The following GNPTAB variants were observed in gnomAD, a reference collection of about 807,000 sequenced individuals.
The protein encoded by GNPTAB is N-acetylglucosamine-1-phosphotransferase subunits alpha/beta.
GNPTAB carries 92 observed loss-of-function variants against 136.6 expected under a neutral mutation model. That is an observed-to-expected ratio of 0.67 (90% confidence interval 0.57 to 0.80). The LOEUF (loss-of-function observed/expected upper bound fraction) is 0.80, where lower values mean the gene tolerates loss of function less well. Among genes scored for constraint, GNPTAB ranks in the 30% least tolerant of loss-of-function variants. The pLI is 0.00. For missense variants in GNPTAB, 1,343 were observed against 1,501.8 expected (o/e 0.89, Z 1.75); for synonymous variants, 512 against 535.1 (o/e 0.96, Z 0.60).
intron 1 of GNPTAB, among the ~76,000 whole-genome samples, chr12:101,818,014 A>AC (rs1182982495): frequency 6.6e-6 from 1 of 152,232 alleles, no homozygotes; most frequent in East Asian, 1.9e-4. Context: ...ATTCCTTAGT[A>AC]CCACCCAGCA....
chr12:101,796,162 C>T (rs1869269600), intron 2 of GNPTAB: 4 of 697,180 alleles, frequency 5.7e-6, no homozygotes, highest in Non-Finnish European at 7.8e-6. Context: ...TTTCACAGGA[C>T]GCTGTCAACA....
At chr12:101,819,090 CA>C (rs1870668524) in intron 1 of GNPTAB, among the ~76,000 whole-genome samples, 2 of 152,108 alleles carry the variant, frequency 1.3e-5, no homozygotes, top group South Asian at 2.1e-4. Context: ...TGGCTTACTG[CA>C]ACCTCCACCT....
At chr12:101,780,326 T>C (rs780736083) in intron 6 of GNPTAB, 40 bp from the exon 7 acceptor site, 16 of 1,608,476 alleles carry the variant, frequency 9.9e-6, no homozygotes, top group Middle Eastern at 1.6e-4. Flanking sequence ...TTCCACATCA[T>C]GAGGCTGGTG....
intron 1 of GNPTAB, among the ~76,000 whole-genome samples, chr12:101,804,846 G>C (rs1374040504): frequency 6.6e-6 from 1 of 152,188 alleles, no homozygotes; most frequent in South Asian, 2.1e-4. Flanking sequence ...TTTTAGACAA[G>C]TCAACTTAAC....
intron 1 of GNPTAB, among the ~76,000 whole-genome samples, chr12:101,800,891 T>TG (rs1173361817): frequency 6.6e-6 from 1 of 152,102 alleles, no homozygotes; most frequent in Non-Finnish European, 1.5e-5. Context: ...CTCAGGATCC[T>TG]AAAATTGCCT....
intron 1 of GNPTAB, among the ~76,000 whole-genome samples, chr12:101,809,139 A>C (rs1213276452): frequency 6.6e-6 from 1 of 152,246 alleles, no homozygotes; most frequent in Non-Finnish European, 1.5e-5. Context: ...ATCTGAAGAT[A>C]CCCAACCAAA....
chr12:101,771,172 G>C lies in GNPTAB; in HGVS notation c.772-15C>G, dbSNP rs182733879. The C allele has an allele frequency of 3.4e-5, 55 of 1,609,076 alleles. No homozygotes were observed. The African/African-American group carries it at 7.3e-4, about 21-fold the overall frequency. On this transcript the variant is annotated splice_polypyrimidine_tract_variant and intron_variant, in intron 7 of 20. Coordinates refer to ENST00000299314, the MANE Select transcript of GNPTAB (RefSeq NM_024312.5). ...TACAACTGCAACTATCAAATAACAAGAGGATTACACATGAAAAGACTGAAT... is the reference window on the plus strand; with the variant it reads ...TACAACTGCAACTATCAAATAACAACAGGATTACACATGAAAAGACTGAAT...
intron 4 of GNPTAB, among the ~76,000 whole-genome samples, chr12:101,786,540 GC>G (rs1868660836): frequency 6.6e-6 from 1 of 152,032 alleles, no homozygotes. Context: ...TTCCAATAAA[GC>G]CCATTATTGG....
chr12:101,747,530 T>C (rs547791369), intron 20 of GNPTAB, among the ~76,000 whole-genome samples: 42 of 151,820 alleles, frequency 2.8e-4, no homozygotes, highest in African/African-American at 9.2e-4. Context: ...CTACAGATTT[T>C]TACACAGCTA....
intron 1 of GNPTAB, among the ~76,000 whole-genome samples, chr12:101,808,772 C>T (rs1053311375): frequency 2.6e-5 from 4 of 152,174 alleles, no homozygotes; most frequent in Non-Finnish European, 5.9e-5. Context: ...CATGGAGAAA[C>T]CCCATCTTTC....
chr12:101,766,237 A>C lies in GNPTAB; in HGVS notation c.1466T>G (p.Val489Gly), dbSNP rs1953091257. ...TCCACCAAACTGCCAGGGCTGTCCAACTCCAATACTCCCAGTACCTCCACC... is the reference window on the plus strand; with the variant it reads ...TCCACCAAACTGCCAGGGCTGTCCACCTCCAATACTCCCAGTACCTCCACC... ...AGGGGTGSIG[V>G]GQPWQFGGGI... The change falls in exon 12 of 21, where the codon GTT (valine) becomes GGT (glycine). Residue 489 changes from valine (V) to glycine (G), a missense_variant. Coordinates refer to ENST00000299314, the MANE Select transcript of GNPTAB (RefSeq NM_024312.5). 6.2e-7 allele frequency: 1 copy of C among 1,613,834 alleles called. No homozygotes were observed. Among genetic ancestry groups the C allele is most frequent in the Admixed American group, 1.7e-5 (1 of 59,984 alleles).
chr12:101,751,217 AC>A (rs1952813484), intron 19 of GNPTAB, among the ~76,000 whole-genome samples: 1 of 152,236 alleles, frequency 6.6e-6, no homozygotes, highest in Non-Finnish European at 1.5e-5. Flanking sequence ...CATTTCTTCT[AC>A]CAGGAATGCT....
At chr12:101,778,326 T>C (rs933480851) in intron 7 of GNPTAB, 7 of 152,182 alleles carry the variant, frequency 4.6e-5, no homozygotes, top group Non-Finnish European at 1.5e-5. Context: ...TGAAATTATA[T>C]AAATAGAATC....
rs1441210167 is a variant in GNPTAB at position 101,796,730 on chromosome 12, A to T, written c.150T>A (p.His50Gln). The change falls in exon 2 of 21, where the codon CAT becomes CAA. Residue 50 changes from histidine to glutamine, a missense_variant. Transcript: ENST00000299314. ...TGTCTCTATAGGAATCAAACAAAAC[A>T]TGGTATTGATCTCGGCTCCATTCCA... ...VVLEWSRDQY[H>Q]VLFDSYRDNI... is the part of the protein sequence containing the mutation. The T allele has an allele frequency of 6.2e-7, 1 of 1,613,100 alleles. No homozygotes were observed. Among genetic ancestry groups the T allele is most frequent in the African/African-American group, 1.3e-5 (1 of 75,044 alleles).
intron 18 of GNPTAB, among the ~76,000 whole-genome samples, chr12:101,755,451 C>T (rs970472630): frequency 6.6e-6 from 1 of 152,106 alleles, no homozygotes; most frequent in Non-Finnish European, 1.5e-5. Flanking sequence ...TAAAAACAAA[C>T]AGAGGCAGAG....
At chr12:101,808,583 G>A (rs1303435897) in intron 1 of GNPTAB, among the ~76,000 whole-genome samples, 2 of 151,930 alleles carry the variant, frequency 1.3e-5, no homozygotes, top group Non-Finnish European at 2.9e-5. Flanking sequence ...TGGATTTGAT[G>A]GTAACTTTTT....
chr12:101,781,557 C>T (rs112219833), intron 5 of GNPTAB, among the ~76,000 whole-genome samples: 280 of 152,076 alleles, frequency 1.8e-3, no homozygotes, highest in African/African-American at 6.4e-3. Flanking sequence ...TGGTGGTGTG[C>T]ACCTATAGTC....
intron 10 of GNPTAB, among the ~76,000 whole-genome samples, chr12:101,768,492 C>T (rs1953127072): frequency 6.6e-6 from 1 of 152,216 alleles, no homozygotes; most frequent in Non-Finnish European, 1.5e-5. Context: ...GACTTGACTG[C>T]AAGTACCAAA....
At chr12:101,824,437 CTTTTTTTTT>C (rs757768467) in intron 1 of GNPTAB, among the ~76,000 whole-genome samples, 1 of 47,016 alleles carries the variant, frequency 2.1e-5, no homozygotes, top group African/African-American at 9.7e-5. Flanking sequence ...TATATATTTT[CTTTTTTTTT>C]TTTTTTTTTT....
Sources: allele counts gnomAD v4.1 joint callset (sites outside exome capture counted in the v4.1 genomes callset), GRCh38; gene constraint gnomAD v4.1.1; transcripts MANE v1.5; gene names NCBI Gene and HGNC (gene_info 2026-07-23, HGNC 2026-07-21).